KCNH1: variants seen among roughly 807,000 people sequenced by gnomAD.
KCNH1 encodes potassium voltage-gated channel subfamily H member 1.
KCNH1 carries 27 observed loss-of-function variants against 69.2 expected under a neutral mutation model. The ratio of observed to expected loss-of-function variants is 0.39; its 90% CI spans 0.29 to 0.54. The LOEUF is 0.54. Among genes scored for constraint, KCNH1 ranks in the 20% least tolerant of loss-of-function variants. The pLI is 0.68. For missense variants in KCNH1, 798 were observed against 1,261.6 expected (o/e 0.63, Z 5.57); for synonymous variants, 456 against 487.7 (o/e 0.93, Z 0.86).
At chr1:210,734,544 A>G (rs1290387245) in intron 10 of KCNH1, among the ~76,000 whole-genome samples, 1 of 152,152 alleles carries the variant, frequency 6.6e-6, no homozygotes, top group East Asian at 1.9e-4. Context: ...TTTTTATTCA[A>G]TATAATCCCC....
intron 4 of KCNH1, among the ~76,000 whole-genome samples, chr1:211,087,631 A>G (rs1407619439): frequency 1.1e-5 from 1 of 90,048 alleles, no homozygotes; most frequent in East Asian, 2.8e-4. Context: ...ACACACACAC[A>G]CACACACGCA....
intron 1 of KCNH1, among the ~76,000 whole-genome samples, chr1:211,111,036 A>G (rs924572609): frequency 3.3e-5 from 5 of 152,134 alleles, no homozygotes; most frequent in Admixed American, 3.3e-4. Flanking sequence ...TTTTGTAAAC[A>G]TGAACTTACT....
chr1:210,778,988 G>A (rs140738511), intron 9 of KCNH1, among the ~76,000 whole-genome samples: 1,621 of 152,240 alleles, frequency 0.011, 13 homozygotes, highest in South Asian at 0.023. Flanking sequence ...CAACTCTTCA[G>A]GGGCATATCT....
At chr1:210,765,155 T>C (rs537535828) in intron 10 of KCNH1, among the ~76,000 whole-genome samples, 1 of 151,330 alleles carries the variant, frequency 6.6e-6, no homozygotes, top group East Asian at 2.0e-4. Flanking sequence ...AGCTCAACAT[T>C]GAGTACACAT....
intron 7 of KCNH1, among the ~76,000 whole-genome samples, chr1:210,833,536 A>C (rs1408175372): frequency 6.6e-6 from 1 of 152,236 alleles, no homozygotes; most frequent in Non-Finnish European, 1.5e-5. Context: ...AATCAATTCA[A>C]GATGGATTAA....
intron 8 of KCNH1, among the ~76,000 whole-genome samples, chr1:210,799,398 G>T (rs1352679403): frequency 6.6e-6 from 1 of 152,104 alleles, no homozygotes; most frequent in Non-Finnish European, 1.5e-5. Context: ...AAAAAGGCTT[G>T]TAATTTTATT....
chr1:210,768,539 C>T (rs765806027), intron 10 of KCNH1, among the ~76,000 whole-genome samples: 2 of 151,978 alleles, frequency 1.3e-5, no homozygotes, highest in Non-Finnish European at 2.9e-5. Context: ...CGTGAGGCAA[C>T]ATGCCTGGCA....
At chr1:210,774,808 C>T (rs1191480966) in intron 10 of KCNH1, among the ~76,000 whole-genome samples, 1 of 152,186 alleles carries the variant, frequency 6.6e-6, no homozygotes, top group African/African-American at 2.4e-5. Flanking sequence ...CATTTCTCAA[C>T]CAGTTTAGTT....
At chr1:210,956,372 T>C (rs1028447894) in intron 6 of KCNH1, among the ~76,000 whole-genome samples, 4 of 152,128 alleles carry the variant, frequency 2.6e-5, no homozygotes, top group African/African-American at 7.2e-5. Context: ...TCTTTTTTTG[T>C]TGTGTCTCTG....
chr1:211,049,069 A>G (rs527354404), intron 5 of KCNH1, among the ~76,000 whole-genome samples: 1 of 152,288 alleles, frequency 6.6e-6, no homozygotes, highest in African/African-American at 2.4e-5. Context: ...CACAAACTCC[A>G]TCAGTTCTAT....
intron 6 of KCNH1, among the ~76,000 whole-genome samples, chr1:210,971,231 G>A (rs1019671106): frequency 2.6e-5 from 4 of 151,974 alleles, no homozygotes; most frequent in African/African-American, 4.8e-5. Flanking sequence ...GAGATTATAC[G>A]CATGAGCCAC....
At chr1:210,972,680 G>T (rs1218179224) in intron 6 of KCNH1, among the ~76,000 whole-genome samples, 3 of 152,030 alleles carry the variant, frequency 2.0e-5, no homozygotes, top group Admixed American at 6.6e-5. Context: ...AGAACACAAT[G>T]AAATCATGCC....
chr1:210,717,970 G>A (rs1448210470), intron 10 of KCNH1, among the ~76,000 whole-genome samples: 2 of 151,958 alleles, frequency 1.3e-5, no homozygotes, highest in East Asian at 1.9e-4. Flanking sequence ...AGCCAGGCGT[G>A]GTGGTGTGCA....
In KCNH1 at chr1:210,680,858, T is replaced by C. The variant is rs927868047; in HGVS notation, c.*2423A>G. 6.6e-6 allele frequency: 1 copy of C among 152,160 alleles called. No homozygotes were observed. Among genetic ancestry groups the C allele is most frequent in the Non-Finnish European group, 1.5e-5 (1 of 68,038 alleles). 9.4% of individuals were successfully genotyped at this position (152,160 alleles called of 1,614,324 possible). Reference sequence around the variant, plus strand: ...TCACGAGTGCATTCCTAAAGCTACATTCCCCCCAAGAACATGTCTGGACTT... The same window carrying C: ...TCACGAGTGCATTCCTAAAGCTACACTCCCCCCAAGAACATGTCTGGACTT... On this transcript the variant is annotated 3_prime_UTR_variant, in exon 11 of 11. Transcript: ENST00000271751.
chr1:210,974,239 G>A (rs116351819), intron 6 of KCNH1, among the ~76,000 whole-genome samples: 39 of 152,220 alleles, frequency 2.6e-4, no homozygotes, highest in African/African-American at 8.4e-4. Context: ...ACAAATGGGT[G>A]TTGGATTTTA....
At chr1:211,045,043 T>TATATAG (rs1553374041) in intron 5 of KCNH1, among the ~76,000 whole-genome samples, 1 of 125,026 alleles carries the variant, frequency 8.0e-6, no homozygotes, top group South Asian at 2.7e-4. Context: ...TTGTGGGGGA[T>TATATAG]ATATATATAT....
At chr1:210,694,489 G>C (rs1647807394) in intron 10 of KCNH1, among the ~76,000 whole-genome samples, 1 of 152,176 alleles carries the variant, frequency 6.6e-6, no homozygotes, top group African/African-American at 2.4e-5. Flanking sequence ...TGCTGCCTGA[G>C]CCCTCTGTCT....
At chr1:211,074,001 G>T (rs1690690507) in intron 5 of KCNH1, among the ~76,000 whole-genome samples, 1 of 149,576 alleles carries the variant, frequency 6.7e-6, no homozygotes, top group East Asian at 2.0e-4. Context: ...ATGAGACCCA[G>T]ATGTTTGCCT....
intron 10 of KCNH1, among the ~76,000 whole-genome samples, chr1:210,694,711 C>G (rs1035366074): frequency 1.3e-5 from 2 of 152,196 alleles, no homozygotes; most frequent in African/African-American, 4.8e-5. Context: ...TTTGACCAAA[C>G]CTAAATTTTT....
Sources: allele counts gnomAD v4.1 joint callset (sites outside exome capture counted in the v4.1 genomes callset), GRCh38; gene constraint gnomAD v4.1.1; transcripts MANE v1.5; gene names NCBI Gene and HGNC (gene_info 2026-07-23, HGNC 2026-07-21).